Variants in PRKG1 observed in about 807,000 individuals in gnomAD.
PRKG1 encodes protein kinase cGMP-dependent 1, also known as cGMP-dependent protein kinase 1.
PRKG1 carries 35 observed loss-of-function variants against 88.1 expected under a neutral mutation model. The observed-to-expected ratio is 0.40, with a 90% CI of 0.30 to 0.53. The LOEUF is 0.53. PRKG1 is among the 20% of genes least tolerant of loss of function. The pLI, the probability that PRKG1 is intolerant of heterozygous loss-of-function variation, is 0.59. For missense variants in PRKG1, 540 were observed against 839.8 expected, an observed-to-expected ratio of 0.64 and a Z score of 4.41; for synonymous variants, 303 against 292.5, an observed-to-expected ratio of 1.04 and a Z score of -0.37.
intron 1 of PRKG1, among the ~76,000 whole-genome samples, chr10:51,019,262 A>C (rs961295163): frequency 2.0e-5 from 3 of 152,194 alleles, no homozygotes; most frequent in African/African-American, 7.2e-5. Flanking sequence ...ATGGACTAAC[A>C]GTAATCAAAA....
chr10:51,207,741 C>T (rs999792295), intron 2 of PRKG1, among the ~76,000 whole-genome samples: 4 of 152,148 alleles, frequency 2.6e-5, no homozygotes, highest in East Asian at 3.9e-4. Context: ...AACTTTATAA[C>T]GTTTTTCTAC....
At chr10:51,575,942 C>A (rs1463975034) in intron 3 of PRKG1, among the ~76,000 whole-genome samples, 1 of 151,614 alleles carries the variant, frequency 6.6e-6, no homozygotes, top group East Asian at 1.9e-4. Context: ...AGATTATATA[C>A]AAATAATACA....
chr10:51,119,322 C>G (rs528282863), intron 1 of PRKG1, among the ~76,000 whole-genome samples: 78 of 152,082 alleles, frequency 5.1e-4, no homozygotes, highest in African/African-American at 1.7e-3. Flanking sequence ...CTGCCTTATA[C>G]TTTTTCCTGA....
intron 1 of PRKG1, among the ~76,000 whole-genome samples, chr10:51,143,784 A>G (rs1389875111): frequency 2.0e-5 from 3 of 152,052 alleles, no homozygotes; most frequent in Admixed American, 6.6e-5. Flanking sequence ...AGAAGTGTTT[A>G]TTAAATTCTT....
intron 7 of PRKG1, among the ~76,000 whole-genome samples, chr10:52,099,236 G>A (rs1331931255): frequency 6.6e-6 from 1 of 152,102 alleles, no homozygotes; most frequent in African/African-American, 2.4e-5. Flanking sequence ...GCTACCTGTA[G>A]TAGTGGAAAG....
intron 2 of PRKG1, among the ~76,000 whole-genome samples, chr10:51,418,272 G>T (rs761411081): frequency 6.6e-6 from 1 of 152,096 alleles, no homozygotes; most frequent in Admixed American, 6.6e-5. Context: ...GAGAGCCATA[G>T]GTATACCAAA....
chr10:51,649,758 C>T (rs985570464), intron 3 of PRKG1, among the ~76,000 whole-genome samples: 1 of 152,180 alleles, frequency 6.6e-6, no homozygotes, highest in Non-Finnish European at 1.5e-5. Context: ...CCTGTATAAA[C>T]AATCTTCTTG....
chr10:51,876,521 G>T (rs2132869672), intron 4 of PRKG1, among the ~76,000 whole-genome samples: 1 of 152,270 alleles, frequency 6.6e-6, no homozygotes, highest in South Asian at 2.1e-4. Context: ...GTTTTTGTTT[G>T]TTTGCTTGCT....
chr10:52,075,364 A>C (rs1019429755), intron 7 of PRKG1, among the ~76,000 whole-genome samples: 3 of 152,226 alleles, frequency 2.0e-5, no homozygotes, highest in Non-Finnish European at 2.9e-5. Flanking sequence ...AATGTTACTA[A>C]GATTTTTTTG....
chr10:51,052,984 CTT>C (rs1240698235), intron 1 of PRKG1, among the ~76,000 whole-genome samples: 1 of 152,148 alleles, frequency 6.6e-6, no homozygotes, highest in Non-Finnish European at 1.5e-5. Context: ...AATCTCAGCA[CTT>C]TGGGAGGTCA....
intron 1 of PRKG1, among the ~76,000 whole-genome samples, chr10:51,091,277 G>A (rs1480339269): frequency 6.6e-6 from 1 of 151,990 alleles, no homozygotes; most frequent in Non-Finnish European, 1.5e-5. Flanking sequence ...TAAAATACAA[G>A]GTTTTTCACT....
chr10:52,148,878 G>T (rs977167740), intron 8 of PRKG1, among the ~76,000 whole-genome samples: 2 of 147,050 alleles, frequency 1.4e-5, no homozygotes, highest in African/African-American at 5.0e-5. Context: ...AATAGGCTGA[G>T]AATTAATGAA....
chr10:52,074,326 T>C (rs10824019), intron 7 of PRKG1, among the ~76,000 whole-genome samples: 27,653 of 152,080 alleles, frequency 0.18, 2,956 homozygotes, highest in South Asian at 0.28. Flanking sequence ...ATCAGCTTTT[T>C]ATAGAAGATT....
intron 9 of PRKG1, chr10:52,231,105 AT>A (rs1840510721): frequency 6.6e-6 from 1 of 152,162 alleles, no homozygotes; most frequent in Non-Finnish European, 1.5e-5. Flanking sequence ...TTAAAGGCGT[AT>A]TTATATTTTG....
chr10:51,750,770 CAT>C (rs1837703700), intron 3 of PRKG1, among the ~76,000 whole-genome samples: 1 of 152,138 alleles, frequency 6.6e-6, no homozygotes, highest in Non-Finnish European at 1.5e-5. Flanking sequence ...GGGATTATAA[CAT>C]GTGCTTAAAA....
At chr10:52,291,390 A>T (rs1258409499) in intron 17 of PRKG1, among the ~76,000 whole-genome samples, 9 of 142,736 alleles carry the variant, frequency 6.3e-5, no homozygotes, top group East Asian at 4.3e-4. Flanking sequence ...TATCTCCTAA[A>T]GCTATCCCTC....
intron 2 of PRKG1, among the ~76,000 whole-genome samples, chr10:51,312,481 G>A (rs1465128482): frequency 6.6e-6 from 1 of 152,118 alleles, no homozygotes; most frequent in African/African-American, 2.4e-5. Flanking sequence ...CTAATGGGTG[G>A]GAATGATCAT....
At chr10:51,440,249 G>T (rs187224166) in intron 2 of PRKG1, among the ~76,000 whole-genome samples, 1 of 151,624 alleles carries the variant, frequency 6.6e-6, no homozygotes, top group East Asian at 2.0e-4. Flanking sequence ...CTTTATCTGG[G>T]TATAGTATAA....
rs57104400 is a variant in PRKG1, at chr10:51,115,372, C to CATAT, written c.312-37782_312-37779dup. ...GATGTTACAATAATGTTCCTTTAAA[C>CATAT]ATATATATATATAAAACAAATGTGA... On this transcript the variant is annotated intron_variant, in intron 1 of 17. Coordinates refer to ENST00000373980, the MANE Select transcript of PRKG1 (RefSeq NM_006258.4). 6.6e-4 allele frequency among the ~76,000 whole-genome samples: 21 copies of CATAT among 31,924 alleles called. 2 individuals carry two copies. Among genetic ancestry groups the CATAT allele is most frequent in the East Asian group, 4.4e-3 (2 of 456 alleles). The allele number at this position is 31,924 out of a possible 152,430, so 20.9% of individuals were successfully genotyped here.
Sources: gnomAD v4.1 joint callset for allele counts (sites outside exome capture counted in the v4.1 genomes callset) on GRCh38, gnomAD v4.1.1 for gene constraint, MANE v1.5 for transcripts, NCBI Gene and HGNC (gene_info 2026-07-23, HGNC 2026-07-21) for gene names.